The following ZSCAN10 variants were observed in gnomAD, a reference collection of about 807,000 sequenced individuals.
The protein encoded by ZSCAN10 is zinc finger and SCAN domain-containing protein 10.
In ZSCAN10, 52 loss-of-function variants were observed where a neutral mutation model predicts 63.7. The observed-to-expected ratio is 0.82, with a 90% CI of 0.65 to 1.03. The LOEUF is 1.03. Among genes scored for constraint, ZSCAN10 ranks in the 50% least tolerant of loss-of-function variants. ZSCAN10 has a pLI of 0.00. For synonymous variants in ZSCAN10, 544 were observed against 479.6 expected (o/e 1.13, Z -1.76); for missense variants, 1,223 against 1,103.8 (o/e 1.11, Z -1.53).
chr16:3,090,031 G>A lies in ZSCAN10; in HGVS notation c.1403C>T (p.Ala468Val), dbSNP rs1202579188. 2.5e-6 allele frequency: 4 copies of A among 1,593,510 alleles called. No individual in the cohort carries two copies. The highest frequency in any genetic ancestry group is 3.4e-6 in the Non-Finnish European group (4 of 1,173,358). ...GACATCGGTCAGTGGCGGCGCTTCG[G>A]CCTTACTCTCAGGAGCGCAGGGCGG... is the stretch of plus-strand genomic sequence containing the variant. ...QKPPCAPESKAEAPPLTDVLC... is the reference protein window; with the variant it reads ...QKPPCAPESKVEAPPLTDVLC... The change falls in exon 6 of 6, where the codon GCC becomes GTC. Residue 468 changes from alanine to valine, a missense_variant. Transcript: ENST00000576985.
At chr16:3,094,569 T>C (rs1032907628) in intron 1 of ZSCAN10, among the ~76,000 whole-genome samples, 7 of 152,190 alleles carry the variant, frequency 4.6e-5, no homozygotes, top group African/African-American at 1.7e-4. Flanking sequence ...GCTCTCAAAC[T>C]CTTAACCTCA....
intron 5 of ZSCAN10, among the ~76,000 whole-genome samples, chr16:3,090,995 G>A (rs907910048): frequency 6.7e-6 from 1 of 149,696 alleles, no homozygotes. Context: ...GATTGAACCC[G>A]GGAGGCGGAG....
chr16:3,090,029 C>T lies in ZSCAN10; in HGVS notation c.1405G>A (p.Glu469Lys), dbSNP rs1341241126. 5 of 1,589,536 alleles carry T rather than the reference C, an allele frequency of 3.1e-6. No homozygotes were observed. In the African/African-American group the frequency reaches 4.0e-5, roughly 13 times the overall value. Reference sequence around the variant, plus strand: ...AGGACATCGGTCAGTGGCGGCGCTTCGGCCTTACTCTCAGGAGCGCAGGGC... The same window carrying T: ...AGGACATCGGTCAGTGGCGGCGCTTTGGCCTTACTCTCAGGAGCGCAGGGC... ...KPPCAPESKA[E>K]APPLTDVLCS... The change falls in exon 6 of 6, where the codon GAA (glutamate) becomes AAA (lysine). Residue 469 changes from glutamate to lysine, a missense_variant. By Grantham distance (56) the Glu-to-Lys change is moderately conservative. Coordinates refer to ENST00000576985, the MANE Select transcript of ZSCAN10 (RefSeq NM_032805.3).
rs146564892 is a variant in ZSCAN10 at position 3,089,712 on chromosome 16, G to A, written c.1722C>T (p.Gly574=). The change falls in exon 6 of 6, where the codon GGC becomes GGT. Residue 574 remains glycine, a synonymous_variant. Coordinates refer to ENST00000576985, the MANE Select transcript of ZSCAN10 (RefSeq NM_032805.3). ...QLVSHQRVHT[G]EKPYACPQCG... ...ACTGCGGACAGGCGTAGGGCTTCTC[G>A]CCCGTGTGCACCCGTTGGTGGCTGA... 125 of 1,604,600 alleles carry A rather than the reference G, an allele frequency of 7.8e-5. No homozygotes were observed. The highest frequency in any genetic ancestry group is 9.9e-5 in the Non-Finnish European group (117 of 1,178,784).
chr16:3,098,352 G>A (rs1355692065), intron 1 of ZSCAN10, among the ~76,000 whole-genome samples: 1 of 152,170 alleles, frequency 6.6e-6, no homozygotes, highest in African/African-American at 2.4e-5. Context: ...GTGGAGCCAA[G>A]GTTTGCTTTA....
chr16:3,089,431 C>CCGCAGGTGT lies in ZSCAN10; in HGVS notation c.1994_2002dup (p.Asp665_Cys667dup), dbSNP rs764475621. 1 of 1,605,580 alleles carries CCGCAGGTGT rather than the reference C, an allele frequency of 6.2e-7. No individual in the cohort carries two copies. Among genetic ancestry groups the CCGCAGGTGT allele is most frequent in the East Asian group, 2.2e-5 (1 of 44,624 alleles). On this transcript the variant is annotated inframe_insertion, in exon 6 of 6. Coordinates refer to ENST00000576985, the MANE Select transcript of ZSCAN10 (RefSeq NM_032805.3). ...GTTGGAGCTATTGCGGAAACGGTGGCCGCAGGTGTCGCAGGCGTGGGGCTT... is the reference window on the plus strand; with the variant it reads ...GTTGGAGCTATTGCGGAAACGGTGGCCGCAGGTGTCGCAGGTGTCGCAGGCGTGGGGCTT...
rs773482636 is a variant in ZSCAN10, at chr16:3,089,245, C to G, written c.2189G>C (p.Gly730Ala). The change falls in exon 6 of 6, where the codon GGG becomes GCG. Residue 730 changes from glycine (G) to alanine (A), a missense_variant. Gly to Ala is a moderately conservative substitution (Grantham distance 60, BLOSUM62 0). Coordinates refer to ENST00000576985, the MANE Select transcript of ZSCAN10 (RefSeq NM_032805.3). ...ATTGCAGCTGCGGCTGAAGCTCTTC[C>G]CGCACTCCACGCACTCCTGCGGGGG... Reference protein sequence around the residue: ...AEPPQECVECGKSFSRSCNLL... With the variant: ...AEPPQECVECAKSFSRSCNLL... 5.1e-5 allele frequency: 80 copies of G among 1,582,106 alleles called. No homozygotes were observed. The highest frequency in any genetic ancestry group is 4.2e-4 in the Admixed American group (24 of 57,506).
At chr16:3,091,365 C>T (rs12597087) in intron 5 of ZSCAN10, among the ~76,000 whole-genome samples, 175 bp downstream of exon 5, 15,409 of 151,280 alleles carry the variant, frequency 0.1, 982 homozygotes, top group East Asian at 0.32. Flanking sequence ...AGGTGTTGGC[C>T]GGTCACGGTG....
chr16:3,091,466 G>T, intron 5 of ZSCAN10, 74 bp downstream of exon 5: 1 of 1,530,732 alleles, frequency 6.5e-7, no homozygotes, highest in Admixed American at 1.7e-5. Context: ...AACATAGCGA[G>T]ATTCCATCTC....
rs185313127 is a variant in ZSCAN10 at position 3,097,592 on chromosome 16, G to A, written c.-68+1598C>T. Among the ~76,000 whole-genome samples, 339 of 152,222 alleles carry A rather than the reference G, an allele frequency of 2.2e-3. 4 individuals carry two copies. Among genetic ancestry groups the A allele is most frequent in the Admixed American group, 8.3e-3 (127 of 15,290 alleles). On this transcript the variant is annotated intron_variant, in intron 1 of 5. Coordinates refer to ENST00000576985, the MANE Select transcript of ZSCAN10 (RefSeq NM_032805.3). ...CATGTGTGAGAGTGTAACCACCCCC[G>A]AGCCGGAACTACGCTTTCCTGCCCT...
intron 1 of ZSCAN10, among the ~76,000 whole-genome samples, chr16:3,098,685 C>A (rs1957185872): frequency 6.6e-6 from 1 of 152,176 alleles, no homozygotes; most frequent in Non-Finnish European, 1.5e-5. Flanking sequence ...GGTAGGGAGG[C>A]AGGCAGAGGC....
In ZSCAN10 at chr16:3,090,516, C is replaced by A. The variant is rs748056508; in HGVS notation, c.918G>T (p.Gln306His). Reference sequence around the variant, plus strand: ...TAGCCGCAGCGCCCCGTCCGAGCGACTGGGCGCAAGGCTCTCCCGGCACCC... The same window carrying A: ...TAGCCGCAGCGCCCCGTCCGAGCGAATGGGCGCAAGGCTCTCCCGGCACCC... ...SPGVPGEPCA[Q>H]SLGRGAAASG... Residue 306 changes from glutamine to histidine, a missense_variant, in exon 6 of 6, where the codon CAG becomes CAT. Transcript: ENST00000576985. The A allele has an allele frequency of 1.2e-6, 2 of 1,613,190 alleles. No homozygotes were observed. Among genetic ancestry groups the A allele is most frequent in the South Asian group, 1.1e-5 (1 of 91,070 alleles).
intron 1 of ZSCAN10, among the ~76,000 whole-genome samples, chr16:3,096,999 A>G (rs1389351865): frequency 1.3e-5 from 2 of 151,242 alleles, no homozygotes; most frequent in African/African-American, 4.9e-5. Flanking sequence ...CGGGAGACTG[A>G]GGCAGGAGAA....
At chr16:3,092,448 G>C in intron 2 of ZSCAN10, 94 bp downstream of exon 2, 1 of 1,477,494 alleles carries the variant, frequency 6.8e-7, no homozygotes, top group Non-Finnish European at 9.0e-7. Flanking sequence ...GGAATGGTCA[G>C]GTGGGGGAAA....
At position 3,092,932 on chromosome 16, in the gene ZSCAN10, A is replaced by C. The variant is rs928799520; in HGVS notation, c.6T>G (p.Leu2=). 2.8e-5 allele frequency: 40 copies of C among 1,421,788 alleles called. No homozygotes were observed. In the African/African-American group the frequency reaches 4.4e-4, roughly 16 times the overall value. 88.1% of individuals were successfully genotyped at this position (1,421,788 alleles called of 1,614,324 possible). A position where few individuals can be genotyped will look rare whatever the true frequency, so the allele number is the denominator to read the frequency against. M[L]GESVPAAVEQ... ...CCACGGCAGCTGGGACTGATTCTCC[A>C]AGCATCCTTCACTGCGGGGATGCCT... The change falls in exon 2 of 6, where the codon CTT becomes CTG. Residue 2 remains leucine, a synonymous_variant. Transcript: ENST00000576985.
At chr16:3,096,672 A>G (rs1957156033) in intron 1 of ZSCAN10, among the ~76,000 whole-genome samples, 1 of 152,170 alleles carries the variant, frequency 6.6e-6, no homozygotes, top group African/African-American at 2.4e-5. Context: ...TCAGGCCTGT[A>G]ATCCCAGCAG....
Position 3,094,719 on chromosome 16 carries a change from C to T in ZSCAN10, c.-67-1715G>A, listed in dbSNP as rs535432719. ...ATATGGAACAAGTCAGACCATCTCT[C>T]AAAGAAATTGGCCTGAGTTACTCAG... On this transcript the variant is annotated intron_variant, in intron 1 of 5. Coordinates refer to ENST00000576985, the MANE Select transcript of ZSCAN10 (RefSeq NM_032805.3). 2.0e-5 allele frequency among the ~76,000 whole-genome samples: 3 copies of T among 152,032 alleles called. No individual in the cohort carries two copies. The South Asian group carries it at 6.2e-4, about 32-fold the overall frequency.
At position 3,090,539 on chromosome 16, in the gene ZSCAN10, C is replaced by G. The variant is rs200152757; in HGVS notation, c.895G>C (p.Val299Leu). The G allele has an allele frequency of 5.6e-6, 9 of 1,611,550 alleles. No homozygotes were observed. The highest frequency in any genetic ancestry group is 1.7e-5 in the Admixed American group (1 of 59,940). Residue 299 changes from valine to leucine, a missense_variant, in exon 6 of 6, where the codon GTG (valine) becomes CTG (leucine). By Grantham distance (32) the Val-to-Leu change is conservative. Transcript: ENST00000576985. The stretch of plus-strand genomic sequence containing the variant: ...GACTGGGCGCAAGGCTCTCCCGGCA[C>G]CCCAGGACTATCTGCCTGGGACTCT... ...LAESQADSPG[V>L]PGEPCAQSLG...
chr16:3,090,089 G>A lies in ZSCAN10; in HGVS notation c.1345C>T (p.Gln449Ter), dbSNP rs1957048821. 1 of 1,604,328 alleles carries A rather than the reference G, an allele frequency of 6.2e-7. No homozygotes were observed. Among genetic ancestry groups the A allele is most frequent in the East Asian group, 2.2e-5 (1 of 44,810 alleles). ...TCCTGGGCGTGCGCCAGCAGGTGCTGCACAAGGCTGGCGCGGCGCTGGAAG... is the reference window on the plus strand; with the variant it reads ...TCCTGGGCGTGCGCCAGCAGGTGCTACACAAGGCTGGCGCGGCGCTGGAAG... ...RGFQRRASLVQHLLAHAQDQK... is the reference protein window; with the variant it reads ...RGFQRRASLV Residue 449 changes from glutamine to a stop codon, truncating the protein, a stop_gained, in exon 6 of 6, where the codon CAG (glutamine) becomes TAG (stop). Transcript: ENST00000576985. LOFTEE classifies it high-confidence loss of function.
Sources: allele counts gnomAD v4.1 joint callset (sites outside exome capture counted in the v4.1 genomes callset), GRCh38; gene constraint gnomAD v4.1.1; transcripts MANE v1.5; gene names NCBI Gene and HGNC (gene_info 2026-07-23, HGNC 2026-07-21).